Variants in KMT5B observed in about 807,000 individuals in gnomAD.
KMT5B encodes lysine methyltransferase 5B.
In KMT5B, 10 loss-of-function variants were observed where a neutral mutation model predicts 83.2. That is an observed-to-expected ratio of 0.12 (90% CI 0.07 to 0.20). KMT5B has a LOEUF of 0.20. Ranked by LOEUF, KMT5B falls within the 10% of genes least tolerant of loss-of-function variation. KMT5B has a pLI of 1.00. For missense variants in KMT5B, 753 were observed against 1,067.2 expected, an observed-to-expected ratio of 0.71 and a Z score of 4.10; for synonymous variants, 349 against 388.8, an observed-to-expected ratio of 0.90 and a Z score of 1.20.
intron 10 of KMT5B, chr11:68,166,217 T>C (rs1282858819): frequency 7.8e-7 from 1 of 1,285,808 alleles, no homozygotes; most frequent in Non-Finnish European, 9.8e-7. Flanking sequence ...CAATTAGAAA[T>C]GGTTCCAATA....
chr11:68,169,626 T>C (rs980877166), intron 9 of KMT5B, among the ~76,000 whole-genome samples: 1 of 152,180 alleles, frequency 6.6e-6, no homozygotes, highest in Non-Finnish European at 1.5e-5. Context: ...GTTATCCCCA[T>C]TTTACAGATG....
chr11:68,183,316 C>T (rs1857128185), intron 3 of KMT5B, among the ~76,000 whole-genome samples: 1 of 148,600 alleles, frequency 6.7e-6, no homozygotes, highest in African/African-American at 2.5e-5. Context: ...GTTCAATGGG[C>T]AAAAAAAAAG....
intron 1 of KMT5B, among the ~76,000 whole-genome samples, chr11:68,205,749 T>C (rs1279843032): frequency 2.0e-5 from 3 of 151,854 alleles, no homozygotes; most frequent in Non-Finnish European, 4.4e-5. Context: ...GCCTCCTGAG[T>C]ACCTGGGACT....
intron 10 of KMT5B, among the ~76,000 whole-genome samples, chr11:68,165,507 G>GAA (rs58446155): frequency 2.3e-5 from 3 of 133,132 alleles, no homozygotes; most frequent in Non-Finnish European, 4.9e-5. Context: ...CGTCTCAAAA[G>GAA]AAAAAAAAAA....
intron 10 of KMT5B, chr11:68,165,667 G>C: frequency 1.6e-6 from 2 of 1,219,304 alleles, no homozygotes. Flanking sequence ...TTTATAAAAT[G>C]GGCTTCACAA....
At chr11:68,194,189 G>GTT (rs1160247623) in intron 1 of KMT5B, among the ~76,000 whole-genome samples, 58 of 130,628 alleles carry the variant, frequency 4.4e-4, no homozygotes, top group African/African-American at 6.7e-4. Flanking sequence ...CAAGTACCAA[G>GTT]TTTTTTTTTT....
At chr11:68,193,669 C>A (rs1858359234) in intron 1 of KMT5B, among the ~76,000 whole-genome samples, 1 of 152,092 alleles carries the variant, frequency 6.6e-6, no homozygotes, top group African/African-American at 2.4e-5. Context: ...AGTCTTCTAT[C>A]TATTCTACAT....
At chr11:68,189,300 C>T (rs891878738) in intron 2 of KMT5B, among the ~76,000 whole-genome samples, 3 of 152,176 alleles carry the variant, frequency 2.0e-5, no homozygotes, top group South Asian at 4.1e-4. Flanking sequence ...ATGAAATACG[C>T]ACCAAATCTA....
chr11:68,172,446 A>T (rs1264586316), intron 6 of KMT5B, among the ~76,000 whole-genome samples: 2 of 151,470 alleles, frequency 1.3e-5, no homozygotes, highest in Non-Finnish European at 2.9e-5. Context: ...CGTGTTGGCC[A>T]GGATGGTCTC....
rs1386942155 is a variant in KMT5B at position 68,213,160 on chromosome 11, C to G, written c.-99G>C. The G allele has an allele frequency of 7.1e-6, 1 of 141,012 alleles. No homozygotes were observed. The highest frequency in any genetic ancestry group is 1.6e-5 in the Non-Finnish European group (1 of 63,396). The allele number at this position is 141,012 out of a possible 1,614,324, so 8.7% of individuals were successfully genotyped here. ...CACCGCCTGCGCCGCCCCGCTCCTCCTCGGGGCGCGTCCCAGGCCCCGCTG... is the reference window on the plus strand; with the variant it reads ...CACCGCCTGCGCCGCCCCGCTCCTCGTCGGGGCGCGTCCCAGGCCCCGCTG... On this transcript the variant is annotated 5_prime_UTR_variant, in exon 1 of 11. Transcript: ENST00000304363.
chr11:68,183,313 G>A (rs949054334), intron 3 of KMT5B, among the ~76,000 whole-genome samples: 6 of 151,496 alleles, frequency 4.0e-5, no homozygotes, highest in African/African-American at 1.2e-4. Flanking sequence ...CATGTTCAAT[G>A]GGCAAAAAAA....
chr11:68,211,134 C>G (rs1360717413), intron 1 of KMT5B, among the ~76,000 whole-genome samples: 1 of 152,072 alleles, frequency 6.6e-6, no homozygotes, highest in Non-Finnish European at 1.5e-5. Flanking sequence ...TTAAATAACC[C>G]AAGAGAAAAA....
intron 10 of KMT5B, among the ~76,000 whole-genome samples, chr11:68,162,047 A>C (rs1462099201): frequency 6.6e-6 from 1 of 151,636 alleles, no homozygotes; most frequent in Non-Finnish European, 1.5e-5. Flanking sequence ...GTCCTCCTTG[A>C]CTCCTGCTCT....
In KMT5B at chr11:68,156,701, G is replaced by C. The variant is rs1417545452; in HGVS notation, c.*987C>G. The C allele has an allele frequency of 6.6e-6, 1 of 152,498 alleles. No individual in the cohort carries two copies. The highest frequency in any genetic ancestry group is 1.5e-5 in the Non-Finnish European group (1 of 68,012). 9.4% of individuals were successfully genotyped at this position (152,498 alleles called of 1,614,324 possible). A position where few individuals can be genotyped will look rare whatever the true frequency, so the allele number is the denominator to read the frequency against. ...TCAGTTCTTTACATTGAATCTCAAA[G>C]ACAAACTTTTTTTATAGGTTACCAC... On this transcript the variant is annotated 3_prime_UTR_variant, in exon 11 of 11. Coordinates refer to ENST00000304363, the MANE Select transcript of KMT5B (RefSeq NM_017635.5).
intron 1 of KMT5B, among the ~76,000 whole-genome samples, chr11:68,209,185 T>C (rs1860552002): frequency 6.6e-6 from 1 of 152,218 alleles, no homozygotes; most frequent in South Asian, 2.1e-4. Context: ...AAATGTATCA[T>C]ACATTTCAAC....
intron 10 of KMT5B, among the ~76,000 whole-genome samples, chr11:68,160,642 A>G (rs532422493): frequency 3.9e-5 from 6 of 152,226 alleles, no homozygotes; most frequent in Non-Finnish European, 7.3e-5. Context: ...GTAAGTTACC[A>G]TAAGTTCAGT....
intron 2 of KMT5B, 60 bp from the exon 3 acceptor site, chr11:68,185,988 A>C (rs925473058): frequency 1.3e-6 from 2 of 1,488,804 alleles, no homozygotes; most frequent in Non-Finnish European, 1.8e-6. Context: ...ATCTGCCTTA[A>C]AATCTTTAGC....
At chr11:68,177,158 T>C (rs749680624) in intron 4 of KMT5B, among the ~76,000 whole-genome samples, 4 of 152,192 alleles carry the variant, frequency 2.6e-5, no homozygotes, top group Admixed American at 6.5e-5. Context: ...TGTTCTTGAA[T>C]GGAAAATTTA....
intron 3 of KMT5B, among the ~76,000 whole-genome samples, chr11:68,185,556 G>T (rs896922568): frequency 6.6e-6 from 1 of 152,158 alleles, no homozygotes; most frequent in Non-Finnish European, 1.5e-5. Context: ...AGCTTTATAC[G>T]TTAATAGAAA....
Sources: gnomAD v4.1 joint callset for allele counts (sites outside exome capture counted in the v4.1 genomes callset) on GRCh38, gnomAD v4.1.1 for gene constraint, MANE v1.5 for transcripts, NCBI Gene and HGNC (gene_info 2026-07-23, HGNC 2026-07-21) for gene names.